TRPC7: variants seen among roughly 807,000 people sequenced by gnomAD.
The protein encoded by TRPC7 is transient receptor potential cation channel subfamily C member 7, also known as short transient receptor potential channel 7.
A neutral mutation model predicts 90.1 loss-of-function variants in TRPC7; 42 were observed. The observed-to-expected ratio is 0.47, with a 90% CI of 0.36 to 0.60. TRPC7 has a LOEUF of 0.60. Ranked by LOEUF, TRPC7 falls within the 20% of genes least tolerant of loss-of-function variation. The pLI is 0.00. For missense variants in TRPC7, 955 were observed against 1,112.3 expected (o/e 0.86, Z 2.01); for synonymous variants, 451 against 436.3 (o/e 1.03, Z -0.42).
intron 2 of TRPC7, among the ~76,000 whole-genome samples, chr5:136,346,232 AAT>A (rs1354121131): frequency 6.6e-6 from 1 of 152,062 alleles, no homozygotes; most frequent in Non-Finnish European, 1.5e-5. Flanking sequence ...AGTGTAATAA[AAT>A]ATATATATAA....
intron 2 of TRPC7, among the ~76,000 whole-genome samples, chr5:136,355,439 G>A (rs1470522507): frequency 6.6e-6 from 1 of 152,224 alleles, no homozygotes; most frequent in Non-Finnish European, 1.5e-5. Context: ...TATGGTTGCT[G>A]AGAAGATTAA....
intron 2 of TRPC7, among the ~76,000 whole-genome samples, chr5:136,329,724 T>C (rs559104735): frequency 7.9e-5 from 12 of 152,314 alleles, no homozygotes; most frequent in African/African-American, 2.9e-4. Context: ...TTCTCATAAA[T>C]AGGCGTGGAT....
chr5:136,266,471 G>A, intron 4 of TRPC7, 35 bp from the exon 5 acceptor site: 1 of 1,565,286 alleles, frequency 6.4e-7, no homozygotes, highest in Non-Finnish European at 8.8e-7. Flanking sequence ...ATGTTAAACT[G>A]TCTCTAGGTG....
intron 8 of TRPC7, among the ~76,000 whole-genome samples, chr5:136,230,833 C>T (rs747671202): frequency 6.6e-6 from 1 of 152,108 alleles, no homozygotes; most frequent in African/African-American, 2.4e-5. Context: ...TGTCTCTGTC[C>T]CCACACCACT....
At chr5:136,355,029 T>C (rs1430928506) in intron 2 of TRPC7, among the ~76,000 whole-genome samples, 8 of 152,246 alleles carry the variant, frequency 5.3e-5, no homozygotes, top group African/African-American at 1.9e-4. Flanking sequence ...TTGTATGCCA[T>C]ACAGGGGCAG....
At chr5:136,221,250 C>T (rs1561676721) in intron 10 of TRPC7, among the ~76,000 whole-genome samples, 1 of 152,126 alleles carries the variant, frequency 6.6e-6, no homozygotes, top group Non-Finnish European at 1.5e-5. Flanking sequence ...GGCAACTCTC[C>T]CTGCCCTGCC....
intron 2 of TRPC7, among the ~76,000 whole-genome samples, chr5:136,348,302 C>T (rs994039012): frequency 2.0e-5 from 3 of 152,202 alleles, no homozygotes; most frequent in Admixed American, 2.0e-4. Flanking sequence ...TAGATCCAGA[C>T]CATGTTACTC....
At chr5:136,335,656 C>G (rs1580968817) in intron 2 of TRPC7, among the ~76,000 whole-genome samples, 1 of 152,070 alleles carries the variant, frequency 6.6e-6, no homozygotes, top group East Asian at 2.0e-4. Flanking sequence ...GTAATCCCAG[C>G]ACTTTGGGAG....
intron 3 of TRPC7, among the ~76,000 whole-genome samples, chr5:136,302,407 A>ACCCTT (rs1475415729): frequency 2.0e-5 from 3 of 152,106 alleles, no homozygotes; most frequent in Non-Finnish European, 4.4e-5. Context: ...CCTTAGCGGC[A>ACCCTT]AGTCCCGCTT....
At chr5:136,216,458 C>T (rs753911162) in intron 10 of TRPC7, among the ~76,000 whole-genome samples, 183 bp from the exon 11 acceptor site, 6 of 152,270 alleles carry the variant, frequency 3.9e-5, no homozygotes, top group Non-Finnish European at 7.4e-5. Context: ...GCCTCTGTTT[C>T]GCCTCCCCCG....
intron 7 of TRPC7, among the ~76,000 whole-genome samples, chr5:136,233,777 G>A (rs1251824544): frequency 6.6e-6 from 1 of 152,228 alleles, no homozygotes; most frequent in African/African-American, 2.4e-5. Context: ...TGAAGTGAGC[G>A]ATTACAGAAC....
chr5:136,251,097 T>C (rs1478714023), intron 6 of TRPC7, among the ~76,000 whole-genome samples: 2 of 152,228 alleles, frequency 1.3e-5, no homozygotes. Context: ...ACATATGTTA[T>C]AACTATTATT....
chr5:136,293,587 T>C (rs1758043012), intron 3 of TRPC7, among the ~76,000 whole-genome samples: 1 of 152,184 alleles, frequency 6.6e-6, no homozygotes, highest in Non-Finnish European at 1.5e-5. Flanking sequence ...TTACAAGGGA[T>C]GTGAAGGACC....
intron 2 of TRPC7, among the ~76,000 whole-genome samples, chr5:136,330,048 C>T (rs980968400): frequency 3.9e-5 from 6 of 152,072 alleles, no homozygotes; most frequent in Admixed American, 1.3e-4. Context: ...TCCTATAGGC[C>T]GTGACTCAGA....
At chr5:136,325,769 C>T (rs1385274459) in intron 2 of TRPC7, among the ~76,000 whole-genome samples, 1 of 151,908 alleles carries the variant, frequency 6.6e-6, no homozygotes, top group African/African-American at 2.4e-5. Context: ...GAATCTCAGG[C>T]CAATTTGTGC....
chr5:136,304,081 C>G (rs1204704036), intron 3 of TRPC7, among the ~76,000 whole-genome samples: 2 of 151,990 alleles, frequency 1.3e-5, no homozygotes, highest in Non-Finnish European at 2.9e-5. Context: ...GGCTGAGACA[C>G]TTTAACTAAA....
chr5:136,336,519 AAT>A (rs1187399119), intron 2 of TRPC7, among the ~76,000 whole-genome samples: 2 of 150,190 alleles, frequency 1.3e-5, no homozygotes, highest in Non-Finnish European at 3.0e-5. Context: ...TTTTTTTTTT[AAT>A]ATATATACTT....
intron 10 of TRPC7, chr5:136,221,951 T>C (rs923501435): frequency 1.3e-5 from 2 of 152,210 alleles, no homozygotes; most frequent in African/African-American, 4.8e-5. Context: ...TATGTGGGTC[T>C]GTATACTTCC....
In TRPC7 at chr5:136,365,350, T is replaced by A. The variant is rs558929101; in HGVS notation, c.-96A>T. ...GCTCCCCATGGGTGGTAGCCAAGGA[T>A]GTACCGCTCTCCGTGGTGCTGAAGT... is the stretch of plus-strand genomic sequence containing the variant. On this transcript the variant is annotated 5_prime_UTR_variant, in exon 1 of 12. Transcript: ENST00000513104. 6 of 1,271,594 alleles carry A rather than the reference T, an allele frequency of 4.7e-6. No individual in the cohort carries two copies. Among genetic ancestry groups the A allele is most frequent in the Non-Finnish European group, 6.6e-6 (6 of 905,166 alleles). 78.8% of individuals were successfully genotyped at this position (1,271,594 alleles called of 1,614,324 possible).
Sources: allele counts gnomAD v4.1 joint callset (sites outside exome capture counted in the v4.1 genomes callset), GRCh38; gene constraint gnomAD v4.1.1; transcripts MANE v1.5; gene names NCBI Gene and HGNC (gene_info 2026-07-23, HGNC 2026-07-21).